Variants in MBP observed in about 807,000 individuals in gnomAD.
MBP encodes the protein myelin basic protein.
MBP carries 16 observed loss-of-function variants against 35.8 expected under a neutral mutation model. The observed-to-expected ratio is 0.45, with a 90% CI of 0.30 to 0.68. The LOEUF (loss-of-function observed/expected upper bound fraction) is 0.68, where lower values mean the gene tolerates loss of function less well. MBP is among the 30% of genes least tolerant of loss of function. MBP has a pLI of 0.08. For missense variants in MBP, 380 were observed against 404.7 expected, an observed-to-expected ratio of 0.94 and a Z score of 0.52; for synonymous variants, 143 against 159.6, an observed-to-expected ratio of 0.90 and a Z score of 0.78.
chr18:77,104,044 C>T (rs188993070), intron 2 of MBP, among the ~76,000 whole-genome samples: 297 of 152,336 alleles, frequency 1.9e-3, no homozygotes, highest in Admixed American at 3.5e-3. Flanking sequence ...ACAAGGGTTA[C>T]GAATGGGCTG....
chr18:77,132,121 C>G (rs1285674753), intron 1 of MBP, among the ~76,000 whole-genome samples: 1 of 152,148 alleles, frequency 6.6e-6, no homozygotes, highest in Non-Finnish European at 1.5e-5. Context: ...CCAGAGTGGC[C>G]GCTTTTGACC....
rs144271089 is a variant in MBP at position 77,066,568 on chromosome 18, G to A, written c.52-183C>T. 8.3e-5 allele frequency: 63 copies of A among 758,804 alleles called. No individual in the cohort carries two copies. The East Asian group carries it at 1.5e-3, about 19-fold the overall frequency. 47.0% of individuals were successfully genotyped at this position (758,804 alleles called of 1,614,324 possible). Reference sequence around the variant, plus strand: ...TTTCTGCGCAGGATTCGGAATTCTGGCTTGTTTTCTCTGCCTAAGCACCTA... The same window carrying A: ...TTTCTGCGCAGGATTCGGAATTCTGACTTGTTTTCTCTGCCTAAGCACCTA... On this transcript the variant is annotated intron_variant, in intron 2 of 8. Coordinates refer to ENST00000355994, the MANE Select transcript of MBP (RefSeq NM_001025101.2).
chr18:76,984,542 C>T (rs1969423466), intron 8 of MBP: 1 of 551,562 alleles, frequency 1.8e-6, no homozygotes, highest in Middle Eastern at 5.0e-4. Flanking sequence ...TGAACCAGCC[C>T]AGGCGCAGCC....
chr18:77,089,765 A>AAT (rs1360677727), intron 2 of MBP, among the ~76,000 whole-genome samples: 8 of 152,256 alleles, frequency 5.3e-5, no homozygotes, highest in Non-Finnish European at 8.8e-5. Context: ...TGACAGCAAA[A>AAT]ATACAGCATA....
chr18:77,058,996 A>G (rs1456496318), intron 3 of MBP, among the ~76,000 whole-genome samples: 1 of 95,128 alleles, frequency 1.1e-5, no homozygotes. Context: ...GGCTGCCCCA[A>G]GATGGAAGCG....
chr18:77,090,854 C>T lies in MBP; in HGVS notation c.51+14357G>A, dbSNP rs141139814. On this transcript the variant is annotated intron_variant, in intron 2 of 8. Transcript: ENST00000355994. ...GTCTCAACCTAAATGACTCTCCCCT[C>T]GTTCCCCTGGAGGAGAAGAGAAGGG... Among the ~76,000 whole-genome samples the T allele has an allele frequency of 3.7e-3, 557 of 152,266 alleles. 3 individuals carry two copies. The highest frequency in any genetic ancestry group is 0.017 in the Middle Eastern group (5 of 294).
chr18:77,065,165 C>T (rs948982518), intron 3 of MBP, among the ~76,000 whole-genome samples: 5 of 152,162 alleles, frequency 3.3e-5, no homozygotes, highest in Non-Finnish European at 5.9e-5. Flanking sequence ...TAACTGAATA[C>T]CTGAGACTGG....
At chr18:77,062,801 G>T (rs1974036095) in intron 3 of MBP, among the ~76,000 whole-genome samples, 1 of 152,222 alleles carries the variant, frequency 6.6e-6, no homozygotes, top group African/African-American at 2.4e-5. Flanking sequence ...GCGCCAATCA[G>T]TCTTAACTCG....
chr18:76,992,057 G>A (rs1012511455), intron 4 of MBP, among the ~76,000 whole-genome samples: 1 of 152,204 alleles, frequency 6.6e-6, no homozygotes, highest in South Asian at 2.1e-4. Context: ...AGCCCAGACG[G>A]GGGTCTCCAC....
intron 7 of MBP, chr18:76,986,423 A>T: frequency 1.0e-6 from 1 of 985,546 alleles, no homozygotes; most frequent in African/African-American, 1.7e-5. Context: ...CAAGGCTTCC[A>T]GAGCACCTGG....
intron 4 of MBP, chr18:77,015,856 C>T (rs770523788): frequency 7.4e-5 from 73 of 985,316 alleles, no homozygotes; most frequent in Non-Finnish European, 8.1e-5. Context: ...ATTCAAAAGC[C>T]TTTTACGCTC....
chr18:76,985,965 G>A lies in MBP; in HGVS notation c.751-1071C>T, dbSNP rs185424652. 50 of 985,820 alleles carry A rather than the reference G, an allele frequency of 5.1e-5. No homozygotes were observed. In the East Asian group the frequency reaches 4.1e-3, roughly 80 times the overall value. The allele number at this position is 985,820 out of a possible 1,614,324, so 61.1% of individuals were successfully genotyped here. On this transcript the variant is annotated intron_variant, in intron 7 of 8. Transcript: ENST00000355994. ...GGGGCTTCCTGACACACATGGGTGC[G>A]AGTGTCCCAGGACCAGCCTCTACTT...
At chr18:77,000,369 T>C (rs1970563438) in intron 4 of MBP, among the ~76,000 whole-genome samples, 1 of 152,248 alleles carries the variant, frequency 6.6e-6, no homozygotes, top group South Asian at 2.1e-4. Context: ...CTGAGTTTTC[T>C]TGTTTTACTC....
At chr18:77,092,128 T>C (rs1975553024) in intron 2 of MBP, among the ~76,000 whole-genome samples, 1 of 152,254 alleles carries the variant, frequency 6.6e-6, no homozygotes, top group Non-Finnish European at 1.5e-5. Flanking sequence ...GCTTTCCACT[T>C]CCAGAGTCTA....
chr18:77,115,665 G>A (rs1181077537), intron 1 of MBP: 1 of 152,244 alleles, frequency 6.6e-6, no homozygotes, highest in Non-Finnish European at 1.5e-5. Context: ...CTGGGTGACT[G>A]CCTTTCAGAA....
At chr18:77,072,660 C>T (rs76773631) in intron 2 of MBP, among the ~76,000 whole-genome samples, 7,841 of 152,250 alleles carry the variant, frequency 0.052, 272 homozygotes, top group Middle Eastern at 0.082. Flanking sequence ...TCAGAATAAG[C>T]CCTTATTTTT....
rs1434677625 is a variant in MBP at position 77,084,426 on chromosome 18, CCACACCACACACACACACACACACA to C, written c.52-18066_52-18042del. 9.6e-4 allele frequency among the ~76,000 whole-genome samples: 56 copies of C among 58,516 alleles called. 2 individuals carry two copies. The highest frequency in any genetic ancestry group is 1.3e-3 in the Non-Finnish European group (39 of 29,156). The allele number at this position is 58,516 out of a possible 152,430, so 38.4% of individuals were successfully genotyped here. A position where few individuals can be genotyped will look rare whatever the true frequency, so the allele number is the denominator to read the frequency against. On this transcript the variant is annotated intron_variant, in intron 2 of 8. Transcript: ENST00000355994. Reference sequence around the variant, plus strand: ...TCACAACACCGCCCCCCCCGCCACACCACACCACACACACACACACACACACACACACACACACACACACACTTCC... The same window carrying C: ...TCACAACACCGCCCCCCCCGCCACACCACACACACACACACACACACTTCC...
At chr18:77,067,675 G>T in intron 2 of MBP, 1 of 388,078 alleles carries the variant, frequency 2.6e-6, no homozygotes, top group Non-Finnish European at 5.2e-6. Flanking sequence ...GCAGCACCGG[G>T]AGGCTGCTTC....
Position 77,016,873 on chromosome 18 carries a change from A to C in MBP, c.535T>G (p.Phe179Val). The C allele has an allele frequency of 6.2e-7, 1 of 1,614,224 alleles. No homozygotes were observed. The highest frequency in any genetic ancestry group is 8.5e-7 in the Non-Finnish European group (1 of 1,180,046). Residue 179 changes from phenylalanine (F) to valine (V), a missense_variant, in exon 4 of 9, where the codon TTT (phenylalanine) becomes GTT (valine). By Grantham distance (50) the Phe-to-Val change is conservative. Transcript: ENST00000355994. ...TTGGGCGCACCCCTGTCACCGCCAA[A>C]GAAGCGCCCGATGGAGTCAAGGATG... ...TGILDSIGRF[F>V]GGDRGAPKRG...
Sources: allele counts gnomAD v4.1 joint callset (sites outside exome capture counted in the v4.1 genomes callset), GRCh38; gene constraint gnomAD v4.1.1; transcripts MANE v1.5; gene names NCBI Gene and HGNC (gene_info 2026-07-23, HGNC 2026-07-21).